ZNF283: variants seen among roughly 807,000 people sequenced by gnomAD.
ZNF283 encodes the protein zinc finger protein 41.
A neutral mutation model predicts 9.2 loss-of-function variants in ZNF283; 10 were observed. The ratio of observed to expected loss-of-function variants is 1.09; its 90% CI spans 0.67 to 1.85. The LOEUF (loss-of-function observed/expected upper bound fraction) is 1.85. ZNF283 is among the 40% of genes most tolerant of loss of function. The probability of loss-of-function intolerance (pLI) is 0.00; values close to 1 mark genes in which losing one functional copy is unlikely to be tolerated. For synonymous variants in ZNF283, 234 were observed against 244.1 expected (o/e 0.96, Z 0.38); for missense variants, 631 against 760.1 (o/e 0.83, Z 2.00).
At chr19:43,836,943 C>T (rs1026169095) in intron 5 of ZNF283, 110 bp from the exon 6 acceptor site, 8 of 1,224,968 alleles carry the variant, frequency 6.5e-6, no homozygotes, top group South Asian at 2.8e-5. Context: ...TCAGCCTACT[C>T]GATTGTTATA....
chr19:43,848,277 C>T lies in ZNF283; in HGVS notation c.1676C>T (p.Thr559Ile), dbSNP rs753071498. 3.1e-6 allele frequency: 5 copies of T among 1,612,936 alleles called. No individual in the cohort carries two copies. The Admixed American group carries it at 6.7e-5, about 22-fold the overall frequency. ...GKAFSRGYHL[T>I]QHQKIHTGEK... ...GCTTTTAGTCGTGGCTATCACCTTACTCAACATCAGAAAATTCATACCGGT... is the reference window on the plus strand; with the variant it reads ...GCTTTTAGTCGTGGCTATCACCTTATTCAACATCAGAAAATTCATACCGGT... The change falls in exon 7 of 7, where the codon ACT (threonine) becomes ATT (isoleucine). Residue 559 changes from threonine (T) to isoleucine (I), a missense_variant. Physicochemically the swap from Thr to Ile is moderately conservative, Grantham distance 89. This residue lies in a region of ZNF283 where 444 missense variants were observed against 522.5 expected (regional missense o/e 0.85). Coordinates refer to ENST00000618787, the MANE Select transcript of ZNF283 (RefSeq NM_181845.2).
Position 43,835,536 on chromosome 19 carries a change from AT to A in ZNF283, c.155del (p.Ile52LysfsTer8). 1 of 1,611,614 alleles carries A rather than the reference AT, an allele frequency of 6.2e-7. No individual in the cohort carries two copies. The part of the protein sequence containing the change: ...SGFSGFCASP[I>X]EESHGALISS... ...CTTTTCTGGATTCTGTGCTTCACCAATAGAGGAATCCCATGGAGCATTAATT... is the reference window on the plus strand; with the variant it reads ...CTTTTCTGGATTCTGTGCTTCACCAAAGAGGAATCCCATGGAGCATTAATT... On this transcript the variant is annotated frameshift_variant, in exon 5 of 7. Transcript: ENST00000618787. LOFTEE classifies it high-confidence loss of function.
chr19:43,834,331 C>A (rs575864153), intron 4 of ZNF283, among the ~76,000 whole-genome samples: 1 of 151,924 alleles, frequency 6.6e-6, no homozygotes, highest in East Asian at 1.9e-4. Flanking sequence ...TCAACTTAGG[C>A]CATGAATATA....
intron 4 of ZNF283, among the ~76,000 whole-genome samples, chr19:43,834,726 G>T (rs7258717): frequency 0.036 from 5,547 of 152,060 alleles, 338 homozygotes; most frequent in African/African-American, 0.12. Context: ...CTCCTGAGTA[G>T]CTGGGACTAC....
Position 43,831,330 on chromosome 19 carries a change from A to G in ZNF283, c.-52A>G. 2 of 1,595,190 alleles carry G rather than the reference A, an allele frequency of 1.3e-6. No individual in the cohort carries two copies. Among genetic ancestry groups the G allele is most frequent in the South Asian group, 2.2e-5 (2 of 90,168 alleles). ...TGTTGATTTACAGGAGAATCTTGAC[A>G]GTGAATGTGTCTCATTACATTGAAT... On this transcript the variant is annotated 5_prime_UTR_variant, in exon 3 of 7. Coordinates refer to ENST00000618787, the MANE Select transcript of ZNF283 (RefSeq NM_181845.2).
At position 43,849,383 on chromosome 19, in the gene ZNF283, C is replaced by T. The variant is rs1971545277; in HGVS notation, c.*742C>T. 6.6e-6 allele frequency: 1 copy of T among 152,098 alleles called. No individual in the cohort carries two copies. The highest frequency in any genetic ancestry group is 1.5e-5 in the Non-Finnish European group (1 of 67,984). The allele number at this position is 152,098 out of a possible 1,614,324, so 9.4% of individuals were successfully genotyped here. A position where few individuals can be genotyped will look rare whatever the true frequency, so the allele number is the denominator to read the frequency against. ...TTCCCAGAAATAATTTGAGACAAGA[C>T]TCACACTTTTCAAGACATGAGACAA... On this transcript the variant is annotated 3_prime_UTR_variant, in exon 7 of 7. Transcript: ENST00000618787.
chr19:43,848,139 A>G lies in ZNF283; in HGVS notation c.1538A>G (p.Lys513Arg). The change falls in exon 7 of 7, where the codon AAA (lysine) becomes AGA (arginine). Residue 513 changes from lysine to arginine, a missense_variant. Around this residue, in one of 3 missense-constraint regions of ZNF283, gnomAD observed 444 missense variants for 522.5 expected, o/e 0.85. Transcript: ENST00000618787. ...TRHQVFHTGE[K>R]PYECKECGKA... Reference sequence around the variant, plus strand: ...CATCAGGTATTTCACACTGGTGAGAAACCCTATGAATGTAAGGAATGTGGG... The same window carrying G: ...CATCAGGTATTTCACACTGGTGAGAGACCCTATGAATGTAAGGAATGTGGG... The G allele has an allele frequency of 6.2e-7, 1 of 1,613,940 alleles. No homozygotes were observed. Among genetic ancestry groups the G allele is most frequent in the Non-Finnish European group, 8.5e-7 (1 of 1,179,888 alleles).
In ZNF283 at chr19:43,847,373, A is replaced by G; in HGVS notation, c.772A>G (p.Thr258Ala). 29 of 1,614,066 alleles carry G rather than the reference A, an allele frequency of 1.8e-5. No homozygotes were observed. Among genetic ancestry groups the G allele is most frequent in the Non-Finnish European group, 2.5e-5 (29 of 1,179,944 alleles). Residue 258 changes from threonine to alanine, a missense_variant, in exon 7 of 7, where the codon ACT becomes GCT. Physicochemically the swap from Thr to Ala is moderately conservative, Grantham distance 58. Around this residue, in one of 3 missense-constraint regions of ZNF283, gnomAD observed 444 missense variants for 522.5 expected, o/e 0.85. Transcript: ENST00000618787. ...ACTCAATGTGCATCAGAGATTTCAT[A>G]CTGGTGAGAAACCCTATGAGTGTAA... ...YQLNVHQRFH[T>A]GEKPYECKEC...
intron 4 of ZNF283, among the ~76,000 whole-genome samples, chr19:43,834,138 A>T (rs1413323656): frequency 6.6e-6 from 1 of 152,254 alleles, no homozygotes; most frequent in African/African-American, 2.4e-5. Flanking sequence ...GCCTAATAGG[A>T]TCAGGTGATT....
At chr19:43,833,332 A>G (rs1970800826) in intron 3 of ZNF283, among the ~76,000 whole-genome samples, 173 bp from the exon 4 acceptor site, 1 of 152,076 alleles carries the variant, frequency 6.6e-6, no homozygotes, top group Admixed American at 6.6e-5. Flanking sequence ...ATGAACCAAC[A>G]CCATCATAAC....
At chr19:43,829,347 T>C (rs1970604742) in intron 2 of ZNF283, among the ~76,000 whole-genome samples, 1 of 152,114 alleles carries the variant, frequency 6.6e-6, no homozygotes. Flanking sequence ...ATTGCACCAC[T>C]GCACTCCAGC....
intron 6 of ZNF283, among the ~76,000 whole-genome samples, chr19:43,839,764 C>CT (rs999539353): frequency 8.6e-5 from 13 of 151,796 alleles, no homozygotes; most frequent in East Asian, 3.9e-4. Context: ...TGTTTGGTTC[C>CT]TTTTTTTTAT....
In ZNF283 at chr19:43,851,513, A is replaced by G. The variant is rs11671494; in HGVS notation, c.*2872A>G. On this transcript the variant is annotated 3_prime_UTR_variant, in exon 7 of 7. Transcript: ENST00000618787. ...GGGCGGATCACGAGGTCAGGAGATCAAGACCATCCTGGCTAACACGGTGAA... is the reference window on the plus strand; with the variant it reads ...GGGCGGATCACGAGGTCAGGAGATCGAGACCATCCTGGCTAACACGGTGAA... The G allele has an allele frequency of 0.094, 14,292 of 151,906 alleles. 840 individuals carry two copies. The highest frequency in any genetic ancestry group is 0.13 in the Non-Finnish European group (8,932 of 67,964). The allele number at this position is 151,906 out of a possible 1,614,324, so 9.4% of individuals were successfully genotyped here. A position where few individuals can be genotyped will look rare whatever the true frequency, so the allele number is the denominator to read the frequency against.
chr19:43,840,139 G>C (rs1249104001), intron 6 of ZNF283, among the ~76,000 whole-genome samples: 4 of 151,930 alleles, frequency 2.6e-5, no homozygotes, highest in Non-Finnish European at 4.4e-5. Flanking sequence ...ATTCCTTATT[G>C]TATGTGGTCA....
intron 4 of ZNF283, among the ~76,000 whole-genome samples, chr19:43,834,697 G>A (rs939617309): frequency 1.3e-5 from 2 of 152,052 alleles, no homozygotes; most frequent in East Asian, 1.9e-4. Flanking sequence ...CCGGGTTCAC[G>A]CCATTCTCCT....
intron 6 of ZNF283, among the ~76,000 whole-genome samples, chr19:43,842,699 A>G (rs573646219): frequency 7.2e-5 from 11 of 152,344 alleles, no homozygotes; most frequent in Admixed American, 2.0e-4. Flanking sequence ...TCTCATAACA[A>G]TACTGAGAGG....
At chr19:43,835,999 C>G (rs1970964118) in intron 5 of ZNF283, among the ~76,000 whole-genome samples, 3 of 152,168 alleles carry the variant, frequency 2.0e-5, no homozygotes, top group Admixed American at 2.0e-4. Context: ...TCAGTACTCT[C>G]TAACTCAGGG....
At chr19:43,839,986 T>A (rs1245437978) in intron 6 of ZNF283, among the ~76,000 whole-genome samples, 1 of 152,164 alleles carries the variant, frequency 6.6e-6, no homozygotes, top group Non-Finnish European at 1.5e-5. Flanking sequence ...CTTTGTAATT[T>A]TTTTTGTTAA....
At chr19:43,832,552 GT>G (rs1970757283) in intron 3 of ZNF283, among the ~76,000 whole-genome samples, 1 of 152,150 alleles carries the variant, frequency 6.6e-6, no homozygotes, top group Non-Finnish European at 1.5e-5. Flanking sequence ...TGCTCACATT[GT>G]TATTTAGGAA....
Sources: gnomAD v4.1 joint callset for allele counts (sites outside exome capture counted in the v4.1 genomes callset) on GRCh38, gnomAD v4.1.1 for gene constraint, gnomAD v4.1.1 regional missense constraint, MANE v1.5 for transcripts, NCBI Gene and HGNC (gene_info 2026-07-23, HGNC 2026-07-21) for gene names.